AMMECR1: variants seen among roughly 807,000 people sequenced by gnomAD.
AMMECR1 encodes the protein nuclear protein AMMECR1.
AMMECR1 carries 3 observed loss-of-function variants against 22.5 expected under a neutral mutation model. The ratio of observed to expected loss-of-function variants is 0.13; its 90% confidence interval spans 0.06 to 0.35. The LOEUF is 0.35. AMMECR1 is among the 10% of genes least tolerant of loss of function. The pLI is 1.00. For missense variants in AMMECR1, 235 were observed against 278.7 expected, an observed-to-expected ratio of 0.84 and a Z score of 1.12; for synonymous variants, 130 against 116.7, an observed-to-expected ratio of 1.11 and a Z score of -0.74.
At chrX:110,425,975 TGCGC>T (rs1182174901) in intron 2 of AMMECR1, among the ~76,000 whole-genome samples, 3 of 109,991 alleles carry the variant, frequency 2.7e-5, no homozygotes, top group Non-Finnish European at 5.7e-5. Context: ...AGTGCGTGCG[TGCGC>T]GCACACACAC....
rs138420139 is a variant in AMMECR1, at chrX:110,203,414, T to A, written c.700-878A>T. Among the ~76,000 whole-genome samples, 650 of 111,937 alleles carry A rather than the reference T, an allele frequency of 5.8e-3. 2 individuals carry two copies. Among genetic ancestry groups the A allele is most frequent in the African/African-American group, 0.02 (602 of 30,859 alleles). On this transcript the variant is annotated intron_variant, in intron 3 of 5. Coordinates refer to ENST00000262844, the MANE Select transcript of AMMECR1 (RefSeq NM_015365.3). ...CATATGATTGAAAGAAATCTGTCCT[T>A]TCCCCTCATATCTCACATAGAATAG...
At chrX:110,225,994 C>G (rs932088508) in intron 2 of AMMECR1, among the ~76,000 whole-genome samples, 131 of 111,786 alleles carry the variant, frequency 1.2e-3, no homozygotes, top group Non-Finnish European at 1.2e-3. Context: ...TATATTTTAT[C>G]TAAAATGATA....
At chrX:110,261,012 G>T (rs1189499308) in intron 2 of AMMECR1, among the ~76,000 whole-genome samples, 1 of 111,349 alleles carries the variant, frequency 9.0e-6, no homozygotes, top group Non-Finnish European at 1.9e-5. Flanking sequence ...ACGCAAAGTA[G>T]AATGGTGGTT....
chrX:110,366,595 T>C (rs1489335969), intron 2 of AMMECR1, among the ~76,000 whole-genome samples: 2 of 111,608 alleles, frequency 1.8e-5, no homozygotes, highest in Non-Finnish European at 3.8e-5. Flanking sequence ...TCCATTTTCT[T>C]CTTTGATCAG....
At chrX:110,397,997 A>C (rs776822837) in intron 2 of AMMECR1, among the ~76,000 whole-genome samples, 1 of 112,507 alleles carries the variant, frequency 8.9e-6, no homozygotes, top group East Asian at 2.8e-4. Flanking sequence ...ACTACCTGCA[A>C]GTCTTAGCAT....
chrX:110,333,964 TTAAAA>T (rs780837739), intron 2 of AMMECR1, among the ~76,000 whole-genome samples: 4 of 111,475 alleles, frequency 3.6e-5, no homozygotes, highest in African/African-American at 9.8e-5. Context: ...ACCCCAGAAC[TTAAAA>T]TAAAATAAAA....
At chrX:110,286,692 G>C (rs1413102285) in intron 1 of AMMECR1, among the ~76,000 whole-genome samples, 1 of 106,992 alleles carries the variant, frequency 9.3e-6, no homozygotes, top group African/African-American at 3.4e-5. Flanking sequence ...AAAAAAATTA[G>C]AGCATGTATG....
intron 1 of AMMECR1, among the ~76,000 whole-genome samples, chrX:110,430,458 C>T (rs756408509): frequency 1.3e-4 from 15 of 112,258 alleles, no homozygotes; most frequent in Non-Finnish European, 2.8e-4. Context: ...CTCAGACAGG[C>T]TGAATAACTT....
intron 1 of AMMECR1, among the ~76,000 whole-genome samples, chrX:110,287,030 C>T (rs2067883982): frequency 8.9e-6 from 1 of 111,958 alleles, no homozygotes; most frequent in African/African-American, 3.3e-5. Flanking sequence ...ATGATTCTGT[C>T]AATTATGAGA....
intron 1 of AMMECR1, among the ~76,000 whole-genome samples, chrX:110,435,551 C>A (rs187569244): frequency 1.2e-4 from 14 of 112,147 alleles, no homozygotes; most frequent in African/African-American, 3.9e-4. Flanking sequence ...ACAAGTTAGG[C>A]ATGAGAGTTT....
chrX:110,263,058 C>T (rs1298849272), intron 2 of AMMECR1, among the ~76,000 whole-genome samples: 1 of 111,258 alleles, frequency 9.0e-6, no homozygotes, highest in East Asian at 2.8e-4. Flanking sequence ...GCAAAGGAAC[C>T]AGTGTTCCTC....
chrX:110,379,897 A>G (rs748181784), intron 2 of AMMECR1, among the ~76,000 whole-genome samples: 2 of 111,551 alleles, frequency 1.8e-5, no homozygotes, highest in Non-Finnish European at 3.8e-5. Flanking sequence ...AGATGTATCT[A>G]TATATATCAT....
At chrX:110,331,387 T>C (rs1455009561) in intron 2 of AMMECR1, among the ~76,000 whole-genome samples, 1 of 108,328 alleles carries the variant, frequency 9.2e-6, no homozygotes, top group African/African-American at 3.4e-5. Context: ...ATTCAACTTA[T>C]CTGAGACAAA....
chrX:110,424,746 T>G (rs1408519067), intron 2 of AMMECR1, among the ~76,000 whole-genome samples: 1 of 111,599 alleles, frequency 9.0e-6, no homozygotes, highest in African/African-American at 3.3e-5. Context: ...TTCTGTAAAA[T>G]GTTTGAAAGA....
At chrX:110,398,804 C>T (rs1174526792) in intron 2 of AMMECR1, among the ~76,000 whole-genome samples, 1 of 112,413 alleles carries the variant, frequency 8.9e-6, no homozygotes, top group East Asian at 2.8e-4. Context: ...AGTATGTTAA[C>T]ACTAAAAGAT....
At chrX:110,201,744 GA>G (rs1308769826) in intron 4 of AMMECR1, among the ~76,000 whole-genome samples, 1 of 111,604 alleles carries the variant, frequency 9.0e-6, no homozygotes, top group Non-Finnish European at 1.9e-5. Context: ...ACAAACACGG[GA>G]AAACCAAATT....
chrX:110,395,627 T>TTTTTTC (rs1181875627), intron 2 of AMMECR1, among the ~76,000 whole-genome samples: 5 of 112,245 alleles, frequency 4.5e-5, no homozygotes, highest in African/African-American at 1.3e-4. Flanking sequence ...TGAGACAACC[T>TTTTTTC]TTTTTCTTTT....
chrX:110,301,552 G>A (rs1223369706), intron 1 of AMMECR1, among the ~76,000 whole-genome samples: 1 of 112,064 alleles, frequency 8.9e-6, no homozygotes, highest in African/African-American at 3.2e-5. Flanking sequence ...AATATCTGGG[G>A]ATAAGATATT....
rs1015254422 is a variant in AMMECR1, at chrX:110,395,342, T to C, written c.-148+31316A>G. On this transcript the variant is annotated intron_variant, in intron 2 of 7. Transcript: ENST00000372057. The stretch of plus-strand genomic sequence containing the variant: ...CTCCCAGACCTCAACTCATGTCTTT[T>C]TCCCTCTTCACCAGGGCAGAGGCTA... Among the ~76,000 whole-genome samples, 4 of 112,228 alleles carry C rather than the reference T, an allele frequency of 3.6e-5. No individual in the cohort carries two copies. The East Asian group carries it at 1.1e-3, about 32-fold the overall frequency.
Sources: gnomAD v4.1 joint callset for allele counts (sites outside exome capture counted in the v4.1 genomes callset) on GRCh38, gnomAD v4.1.1 for gene constraint, MANE v1.5 for transcripts, NCBI Gene and HGNC (gene_info 2026-07-23, HGNC 2026-07-21) for gene names.